The following PLA2R1 variants were observed in gnomAD, a reference collection of about 807,000 sequenced individuals.
The protein encoded by PLA2R1 is secretory phospholipase A2 receptor.
Under a neutral mutation model 195.9 loss-of-function variants are expected in PLA2R1, and 158 were observed. The ratio of observed to expected loss-of-function variants is 0.81; its 90% CI spans 0.71 to 0.92. PLA2R1 has a LOEUF of 0.92. Among genes scored for constraint, PLA2R1 ranks in the 40% least tolerant of loss-of-function variants. The pLI is 0.00. For missense variants in PLA2R1, 1,626 were observed against 1,764.6 expected (o/e 0.92, Z 1.41); for synonymous variants, 586 against 598.2 (o/e 0.98, Z 0.30).
At chr2:159,926,833 G>A in the PLA2R1 span, among the ~76,000 whole-genome samples, 27 of 152,268 alleles carry the variant, frequency 1.8e-4, no homozygotes, top group Non-Finnish European at 2.6e-4. Context: ...GAGACAGTGT[G>A]TTTGCTGTTC....
At chr2:159,972,465 T>C (rs1689255316) in intron 17 of PLA2R1, among the ~76,000 whole-genome samples, 2 of 152,210 alleles carry the variant, frequency 1.3e-5, no homozygotes, top group Non-Finnish European at 2.9e-5. Flanking sequence ...TAGCATCATA[T>C]GGAAACAGCA....
chr2:159,945,938 T>A, intron 27 of PLA2R1: 4 of 892,820 alleles, frequency 4.5e-6, no homozygotes, highest in Non-Finnish European at 5.4e-6. Flanking sequence ...TTTAAAGAAA[T>A]CATTTGATAA....
chr2:159,945,687 G>T, intron 27 of PLA2R1: 1 of 493,020 alleles, frequency 2.0e-6, no homozygotes, highest in Non-Finnish European at 2.6e-6. Context: ...ATAGCAGCAT[G>T]ATTTATAGTC....
intron 20 of PLA2R1, 123 bp downstream of exon 20, chr2:159,967,415 CA>C (rs1004598472): frequency 4.2e-6 from 3 of 712,040 alleles, no homozygotes; most frequent in African/African-American, 1.8e-5. Flanking sequence ...AAAGTTGTGA[CA>C]AAAAAATTCC....
chr2:159,951,603 T>C (rs1407499494), intron 23 of PLA2R1, 25 bp from the exon 24 acceptor site: 1 of 1,167,644 alleles, frequency 8.6e-7, no homozygotes, highest in Non-Finnish European at 1.3e-6. Flanking sequence ...GCAACAAAAG[T>C]CATTTGCAGC....
chr2:159,978,989 T>C (rs1689760968), intron 14 of PLA2R1, among the ~76,000 whole-genome samples: 3 of 152,172 alleles, frequency 2.0e-5, no homozygotes, highest in African/African-American at 7.2e-5. Flanking sequence ...ATCATTCTAA[T>C]ACCCATGGCA....
chr2:159,955,343 G>T lies in PLA2R1; in HGVS notation c.3157C>A (p.Pro1053Thr). The change falls in exon 23 of 30, where the codon CCA (proline) becomes ACA (threonine). Residue 1053 changes from proline to threonine, a missense_variant. Physicochemically the swap from Pro to Thr is conservative, Grantham distance 38. Coordinates refer to ENST00000283243, the MANE Select transcript of PLA2R1 (RefSeq NM_007366.5). Reference sequence around the variant, plus strand: ...TGAACTTCAGTGGTATTGTGACTTGGAATCTTTAAAATAATACACGTTATC... The same window carrying T: ...TGAACTTCAGTGGTATTGTGACTTGTAATCTTTAAAATAATACACGTTATC... Reference protein sequence around the residue: ...NWSPFDIINIPSHNTTEVQKH... With the variant: ...NWSPFDIINITSHNTTEVQKH... 1 of 1,586,992 alleles carries T rather than the reference G, an allele frequency of 6.3e-7. No individual in the cohort carries two copies.
intron 23 of PLA2R1, among the ~76,000 whole-genome samples, chr2:159,953,162 C>T (rs974392106): frequency 6.6e-6 from 1 of 152,166 alleles, no homozygotes; most frequent in Admixed American, 6.5e-5. Context: ...ATAAATTTCT[C>T]CATATGTAAT....
intron 20 of PLA2R1, among the ~76,000 whole-genome samples, chr2:159,965,803 G>A (rs1244241769): frequency 6.6e-6 from 1 of 152,200 alleles, no homozygotes; most frequent in East Asian, 1.9e-4. Flanking sequence ...TTGCCAGCAT[G>A]TAGTGTTGTC....
At chr2:159,969,068 C>G (rs1688969859) in intron 19 of PLA2R1, among the ~76,000 whole-genome samples, 188 bp downstream of exon 19, 1 of 152,100 alleles carries the variant, frequency 6.6e-6, no homozygotes, top group Admixed American at 6.6e-5. Flanking sequence ...TTTCCAAGAA[C>G]ATGAATGCAT....
chr2:159,997,215 C>T (rs542588099), intron 11 of PLA2R1, among the ~76,000 whole-genome samples: 18 of 152,182 alleles, frequency 1.2e-4, no homozygotes, highest in African/African-American at 4.3e-4. Context: ...TAGGTCTCAG[C>T]CTTTTGGTGA....
At position 160,042,027 on chromosome 2, in the gene PLA2R1, G is replaced by C. The variant is rs1483046998; in HGVS notation, c.665C>G (p.Pro222Arg). Residue 222 changes from proline (P) to arginine (R), a missense_variant and splice_region_variant, in exon 3 of 30, where the codon CCC (proline) becomes CGC (arginine). Transcript: ENST00000283243. ...GAGAAGACAAAATTTATTCTTACTG[G>C]GATCAGGGCAAAATCCCCACTTTTC... Reference protein sequence around the residue: ...RDEKWGFCPDPTSAEVGCDTI... With the variant: ...RDEKWGFCPDRTSAEVGCDTI... The C allele has an allele frequency of 6.2e-7, 1 of 1,610,310 alleles. No homozygotes were observed. Among genetic ancestry groups the C allele is most frequent in the Non-Finnish European group, 8.5e-7 (1 of 1,177,078 alleles).
intron 11 of PLA2R1, among the ~76,000 whole-genome samples, chr2:160,003,501 T>C (rs889515204): frequency 1.3e-5 from 2 of 151,774 alleles, no homozygotes; most frequent in African/African-American, 4.8e-5. Context: ...TATGTGACCA[T>C]GTAGTTGAAA....
At chr2:159,957,695 T>C (rs994359334) in intron 20 of PLA2R1, among the ~76,000 whole-genome samples, 2 of 152,150 alleles carry the variant, frequency 1.3e-5, no homozygotes, top group Non-Finnish European at 2.9e-5. Context: ...GAATGATACA[T>C]ACTTGGCAGG....
At position 160,044,983 on chromosome 2, in the gene PLA2R1, G is replaced by T; in HGVS notation, c.284C>A (p.Ser95Tyr). Residue 95 changes from serine to tyrosine, a missense_variant, in exon 2 of 30, where the codon TCC becomes TAC. Transcript: ENST00000283243. ...TAAGCTTAATGGCTGCTCTGGGGCG[G>T]AGAAATTCAGGCCCAGGCAACCACT... Reference protein sequence around the residue: ...GGSGCLGLNFSAPEQPLSLYE... With the variant: ...GGSGCLGLNFYAPEQPLSLYE... The T allele has an allele frequency of 1.2e-6, 2 of 1,614,018 alleles. No homozygotes were observed. Among genetic ancestry groups the T allele is most frequent in the Non-Finnish European group, 1.7e-6 (2 of 1,179,894 alleles).
intron 9 of PLA2R1, among the ~76,000 whole-genome samples, chr2:160,014,450 G>C (rs1015748794): frequency 2.6e-5 from 4 of 152,032 alleles, no homozygotes; most frequent in Non-Finnish European, 4.4e-5. Context: ...AAATCACACA[G>C]TATGGTAAGA....
Position 160,056,413 on chromosome 2 carries a change from C to A in PLA2R1, c.109+5882G>T, listed in dbSNP as rs533698915. ...CCCTGACCTCCTCTGCTGTGAGGAC[C>A]TTCTTTTGCCTCTTCTTCACTTTGG... On this transcript the variant is annotated intron_variant, in intron 1 of 29. Coordinates refer to ENST00000283243, the MANE Select transcript of PLA2R1 (RefSeq NM_007366.5). Among the ~76,000 whole-genome samples, 101 of 152,198 alleles carry A rather than the reference C, an allele frequency of 6.6e-4. 1 individual carries two copies. The highest frequency in any genetic ancestry group is 5.9e-5 in the Non-Finnish European group (4 of 68,000).
chr2:159,963,844 T>C (rs1688608155), intron 20 of PLA2R1, among the ~76,000 whole-genome samples: 1 of 152,090 alleles, frequency 6.6e-6, no homozygotes, highest in South Asian at 2.1e-4. Context: ...AACTACTGAG[T>C]TACCATATGA....
intron 10 of PLA2R1, among the ~76,000 whole-genome samples, chr2:160,011,875 G>A (rs2105425166): frequency 6.6e-6 from 1 of 152,244 alleles, no homozygotes; most frequent in Admixed American, 6.5e-5. Flanking sequence ...TATTTCAACG[G>A]GAGGATCTCC....
Sources: gnomAD v4.1 joint callset for allele counts (sites outside exome capture counted in the v4.1 genomes callset) on GRCh38, gnomAD v4.1.1 for gene constraint, MANE v1.5 for transcripts, NCBI Gene and HGNC (gene_info 2026-07-23, HGNC 2026-07-21) for gene names.